ATRN: variants seen among roughly 807,000 people sequenced by gnomAD.
ATRN encodes the protein attractin-2.
A neutral mutation model predicts 178.7 loss-of-function variants in ATRN; 54 were observed. The ratio of observed to expected loss-of-function variants is 0.30; its 90% CI spans 0.24 to 0.38. The LOEUF (loss-of-function observed/expected upper bound fraction) is 0.38, where lower values mean the gene tolerates loss of function less well. ATRN is among the 10% of genes least tolerant of loss of function. The pLI is 1.00. For synonymous variants in ATRN, 636 were observed against 663.0 expected (o/e 0.96, Z 0.63); for missense variants, 1,443 against 1,815.1 (o/e 0.79, Z 3.73).
intron 1 of ATRN, chr20:3,490,603 TA>T: frequency 9.8e-7 from 1 of 1,024,532 alleles, no homozygotes; most frequent in Non-Finnish European, 1.6e-6. Flanking sequence ...GAGATCGAGG[TA>T]ACGACCATAT....
chr20:3,594,444 C>T lies in ATRN; in HGVS notation c.3323-35C>T, dbSNP rs553338042. On this transcript the variant is annotated intron_variant, in intron 19 of 28. Coordinates refer to ENST00000262919, the MANE Select transcript of ATRN (RefSeq NM_139321.3). Reference sequence around the variant, plus strand: ...CTCCAATAGTCAGAATTTTTTAAGCCAGTTGTGACCTCTGTTCCTTTTTCT... The same window carrying T: ...CTCCAATAGTCAGAATTTTTTAAGCTAGTTGTGACCTCTGTTCCTTTTTCT... The T allele has an allele frequency of 1.4e-5, 22 of 1,536,958 alleles. No homozygotes were observed. The South Asian group carries it at 2.5e-4, about 18-fold the overall frequency.
At chr20:3,493,685 A>T (rs534696035) in intron 1 of ATRN, among the ~76,000 whole-genome samples, 13 of 152,304 alleles carry the variant, frequency 8.5e-5, no homozygotes, top group African/African-American at 2.6e-4. Context: ...CTAGGCATCC[A>T]CACGGCACCT....
intron 1 of ATRN, among the ~76,000 whole-genome samples, chr20:3,505,037 A>G (rs948946386): frequency 6.6e-6 from 1 of 152,162 alleles, no homozygotes; most frequent in Admixed American, 6.5e-5. Flanking sequence ...TTACATATCA[A>G]CTTGACTGGG....
At chr20:3,528,234 G>C (rs1278535688) in intron 1 of ATRN, among the ~76,000 whole-genome samples, 2 of 152,044 alleles carry the variant, frequency 1.3e-5, no homozygotes, top group Non-Finnish European at 2.9e-5. Flanking sequence ...CGGGCATGGT[G>C]GTGGGCGCCT....
intron 1 of ATRN, among the ~76,000 whole-genome samples, chr20:3,502,304 T>C (rs1360236020): frequency 2.6e-5 from 4 of 152,178 alleles, no homozygotes; most frequent in Non-Finnish European, 5.9e-5. Context: ...GTTTTCCTGC[T>C]CTTCCCTGCT....
chr20:3,570,436 T>G (rs1018074970), intron 11 of ATRN, among the ~76,000 whole-genome samples: 1 of 152,222 alleles, frequency 6.6e-6, no homozygotes, highest in African/African-American at 2.4e-5. Context: ...CATAGGTTTA[T>G]TTCTTTCCCT....
At chr20:3,485,436 G>A (rs988136860) in intron 1 of ATRN, among the ~76,000 whole-genome samples, 2 of 152,034 alleles carry the variant, frequency 1.3e-5, no homozygotes, top group Non-Finnish European at 2.9e-5. Flanking sequence ...GCACATAGAA[G>A]GTGGCCTGTG....
intron 27 of ATRN, among the ~76,000 whole-genome samples, chr20:3,639,328 C>T (rs2087049499): frequency 6.6e-6 from 1 of 152,116 alleles, no homozygotes; most frequent in African/African-American, 2.4e-5. Flanking sequence ...GATCTCGGCT[C>T]ACTGCAATCT....
intron 6 of ATRN, among the ~76,000 whole-genome samples, chr20:3,555,955 G>A (rs1052861035): frequency 3.9e-5 from 6 of 152,286 alleles, no homozygotes; most frequent in South Asian, 2.1e-4. Flanking sequence ...CAACTGCTTC[G>A]TGCTGCAGAT....
intron 6 of ATRN, among the ~76,000 whole-genome samples, chr20:3,557,882 C>T (rs1308626319): frequency 1.3e-5 from 2 of 152,006 alleles, no homozygotes; most frequent in East Asian, 1.9e-4. Context: ...GTGCAATATT[C>T]CAAAAATATG....
intron 1 of ATRN, among the ~76,000 whole-genome samples, chr20:3,514,698 G>A (rs1408095429): frequency 6.6e-6 from 1 of 152,158 alleles, no homozygotes; most frequent in Non-Finnish European, 1.5e-5. Context: ...GGTGACTCAT[G>A]CCTGTAATCC....
At chr20:3,565,506 G>A (rs560419031) in intron 11 of ATRN, 74 bp downstream of exon 11, 100 of 1,327,988 alleles carry the variant, frequency 7.5e-5, no homozygotes, top group African/African-American at 1.6e-4. Flanking sequence ...GGTGGCTCAC[G>A]CCTGTAATTC....
At chr20:3,516,304 A>G (rs1327125675) in intron 1 of ATRN, among the ~76,000 whole-genome samples, 1 of 152,158 alleles carries the variant, frequency 6.6e-6, no homozygotes, top group Admixed American at 6.5e-5. Flanking sequence ...CTCTAGCCTT[A>G]TCTAGCTGCT....
At chr20:3,609,375 G>A (rs1275654207) in intron 24 of ATRN, among the ~76,000 whole-genome samples, 2 of 152,148 alleles carry the variant, frequency 1.3e-5, no homozygotes, top group African/African-American at 2.4e-5. Context: ...ATTTTTGTGT[G>A]TTGATTTTGT....
At chr20:3,629,237 TC>T in intron 25 of ATRN, 1 of 985,324 alleles carries the variant, frequency 1.0e-6, no homozygotes, top group Non-Finnish European at 1.2e-6. Context: ...CCTTTAAAGA[TC>T]ATGTATCTAG....
chr20:3,530,813 C>A (rs142046889), intron 1 of ATRN, among the ~76,000 whole-genome samples: 37 of 151,978 alleles, frequency 2.4e-4, no homozygotes, highest in South Asian at 6.2e-4. Flanking sequence ...TTATAGGCTG[C>A]GTTGTCTGGT....
At chr20:3,481,690 T>C (rs932849204) in intron 1 of ATRN, among the ~76,000 whole-genome samples, 2 of 152,116 alleles carry the variant, frequency 1.3e-5, no homozygotes, top group Middle Eastern at 3.4e-3. Flanking sequence ...CAGTTTGCGT[T>C]TTGGGTGGAC....
intron 24 of ATRN, among the ~76,000 whole-genome samples, chr20:3,614,068 A>G (rs1195144074): frequency 6.6e-6 from 1 of 152,338 alleles, no homozygotes; most frequent in African/African-American, 2.4e-5. Flanking sequence ...GAAACTGACT[A>G]TAAAAATCTT....
intron 1 of ATRN, among the ~76,000 whole-genome samples, chr20:3,471,972 C>T (rs2084434837): frequency 6.6e-6 from 1 of 152,078 alleles, no homozygotes; most frequent in South Asian, 2.1e-4. Context: ...AGAAACAGGG[C>T]CCTGGAAATG....
Sources: allele counts gnomAD v4.1 joint callset (sites outside exome capture counted in the v4.1 genomes callset), GRCh38; gene constraint gnomAD v4.1.1; transcripts MANE v1.5; gene names NCBI Gene and HGNC (gene_info 2026-07-23, HGNC 2026-07-21).